The following PHF21A variants were observed in gnomAD, a reference collection of about 807,000 sequenced individuals.
PHF21A encodes BHC80a.
Under a neutral mutation model 82.5 loss-of-function variants are expected in PHF21A, and 11 were observed. That is an observed-to-expected ratio of 0.13 (90% CI 0.08 to 0.22). PHF21A has a LOEUF of 0.22. Ranked by LOEUF, PHF21A falls within the 10% of genes least tolerant of loss-of-function variation. The probability of loss-of-function intolerance (pLI) is 1.00; values close to 1 mark genes in which losing one functional copy is unlikely to be tolerated. For synonymous variants in PHF21A, 297 were observed against 302.8 expected (o/e 0.98, Z 0.20); for missense variants, 579 against 837.8 (o/e 0.69, Z 3.81).
intron 6 of PHF21A, among the ~76,000 whole-genome samples, chr11:46,063,499 G>T (rs373476834): frequency 1.3e-5 from 2 of 152,312 alleles, no homozygotes; most frequent in African/African-American, 4.8e-5. Flanking sequence ...GAGTGTGATT[G>T]TGTTCTAATA....
intron 6 of PHF21A, among the ~76,000 whole-genome samples, chr11:46,031,916 C>G (rs1208536893): frequency 6.6e-6 from 1 of 152,192 alleles, no homozygotes; most frequent in East Asian, 1.9e-4. Flanking sequence ...GTACAAGGAA[C>G]TGGATTGGAT....
chr11:46,042,278 C>A (rs1403853628), intron 6 of PHF21A, among the ~76,000 whole-genome samples: 1 of 152,092 alleles, frequency 6.6e-6, no homozygotes, highest in Admixed American at 6.6e-5. Context: ...AATACTTGAA[C>A]CAAACTTTAA....
intron 10 of PHF21A, among the ~76,000 whole-genome samples, chr11:45,958,417 A>AAAAAAAAAATAT (rs2092827892): frequency 4.8e-5 from 1 of 20,796 alleles, no homozygotes; most frequent in Non-Finnish European, 1.0e-4. Flanking sequence ...AAAAAAAAAA[A>AAAAAAAAAATAT]AAATATATAT....
At chr11:45,945,048 C>A (rs2091088334) in intron 15 of PHF21A, among the ~76,000 whole-genome samples, 1 of 152,200 alleles carries the variant, frequency 6.6e-6, no homozygotes, top group Non-Finnish European at 1.5e-5. Context: ...CAGGCATAAG[C>A]CACCATGCCC....
chr11:46,035,408 A>C (rs2095976514), intron 6 of PHF21A, among the ~76,000 whole-genome samples: 1 of 152,012 alleles, frequency 6.6e-6, no homozygotes, highest in Non-Finnish European at 1.5e-5. Context: ...TAAACCTTCT[A>C]GTATGTTTTG....
chr11:45,946,128 A>G (rs1428734734), intron 14 of PHF21A, 125 bp from the exon 15 acceptor site: 1 of 1,610,784 alleles, frequency 6.2e-7, no homozygotes, highest in East Asian at 2.2e-5. Context: ...GAGGTAGCAG[A>G]CAGAAGGTTA....
At chr11:46,004,643 T>G (rs2095248593) in intron 6 of PHF21A, among the ~76,000 whole-genome samples, 1 of 152,200 alleles carries the variant, frequency 6.6e-6, no homozygotes, top group African/African-American at 2.4e-5. Context: ...CTCACTTTTC[T>G]TCATATTGGT....
rs2135931866 is a variant in PHF21A at position 45,965,298 on chromosome 11, A to G, written c.996+17T>C. ...GACAAGGCTACTGCCCAGAGCAGGT[A>G]CATACTCTGCCTGTACCTGTTTTTC... On this transcript the variant is annotated intron_variant, in intron 10 of 18. Transcript: ENST00000676320. The G allele has an allele frequency of 6.2e-7, 1 of 1,611,670 alleles. No individual in the cohort carries two copies. The highest frequency in any genetic ancestry group is 8.5e-7 in the Non-Finnish European group (1 of 1,178,614).
At chr11:45,950,359 G>T (rs957638669) in intron 11 of PHF21A, 102 bp from the exon 12 acceptor site, 3 of 891,836 alleles carry the variant, frequency 3.4e-6, no homozygotes, top group African/African-American at 3.3e-5. Flanking sequence ...CCCAATGGGC[G>T]GGTCTCATGA....
intron 6 of PHF21A, among the ~76,000 whole-genome samples, chr11:46,013,193 A>G (rs1396875811): frequency 6.6e-6 from 1 of 152,214 alleles, no homozygotes; most frequent in African/African-American, 2.4e-5. Context: ...ACACAATATT[A>G]TATACTATAA....
At chr11:45,983,841 C>T (rs942224048) in intron 6 of PHF21A, among the ~76,000 whole-genome samples, 5 of 152,148 alleles carry the variant, frequency 3.3e-5, no homozygotes, top group Admixed American at 2.0e-4. Context: ...ATCTCAAAAA[C>T]CCTAGCTGTG....
chr11:46,093,046 G>A (rs1358144529), intron 1 of PHF21A, among the ~76,000 whole-genome samples: 2 of 152,144 alleles, frequency 1.3e-5, no homozygotes, highest in Non-Finnish European at 2.9e-5. Context: ...GTGAGCCACT[G>A]TGCCTGGCCA....
At chr11:46,119,229 G>A (rs1852275651) in intron 1 of PHF21A, among the ~76,000 whole-genome samples, 1 of 151,782 alleles carries the variant, frequency 6.6e-6, no homozygotes, top group African/African-American at 2.4e-5. Flanking sequence ...CTACATTCCT[G>A]ACACCGACTA....
At chr11:45,987,251 A>ATGT (rs375980932) in intron 6 of PHF21A, among the ~76,000 whole-genome samples, 2 of 148,564 alleles carry the variant, frequency 1.3e-5, no homozygotes, top group African/African-American at 5.0e-5. Context: ...ATCATAAATA[A>ATGT]ATGTATGTAT....
At chr11:46,113,628 G>A (rs905302414) in intron 1 of PHF21A, among the ~76,000 whole-genome samples, 2 of 152,044 alleles carry the variant, frequency 1.3e-5, no homozygotes, top group Admixed American at 6.5e-5. Flanking sequence ...AAGAGATCGA[G>A]ACCATCCTGG....
intron 6 of PHF21A, among the ~76,000 whole-genome samples, chr11:45,993,849 C>T (rs1346483502): frequency 1.3e-5 from 2 of 151,698 alleles, no homozygotes; most frequent in Non-Finnish European, 2.9e-5. Context: ...GGGCAGCTGG[C>T]GAGATAGCTC....
intron 1 of PHF21A, among the ~76,000 whole-genome samples, chr11:46,099,365 A>G (rs2097055150): frequency 6.6e-6 from 1 of 152,152 alleles, no homozygotes; most frequent in African/African-American, 2.4e-5. Context: ...TTCCAGATAA[A>G]TGGACAGTGA....
chr11:46,015,962 G>T (rs1322606519), intron 6 of PHF21A, among the ~76,000 whole-genome samples: 1 of 151,886 alleles, frequency 6.6e-6, no homozygotes, highest in Non-Finnish European at 1.5e-5. Flanking sequence ...TTTTAAAGTA[G>T]TGATAAAAAG....
chr11:45,987,718 A>G (rs983039871), intron 6 of PHF21A, among the ~76,000 whole-genome samples: 1 of 151,662 alleles, frequency 6.6e-6, no homozygotes, highest in Non-Finnish European at 1.5e-5. Context: ...GTACCACAAT[A>G]AGATATATCA....
Sources: allele counts gnomAD v4.1 joint callset (sites outside exome capture counted in the v4.1 genomes callset), GRCh38; gene constraint gnomAD v4.1.1; transcripts MANE v1.5; gene names NCBI Gene and HGNC (gene_info 2026-07-23, HGNC 2026-07-21).